The following MCM5 variants were observed in gnomAD, a reference collection of about 807,000 sequenced individuals.
MCM5 encodes the protein minichromosome maintenance complex component 5.
A neutral mutation model predicts 79.9 loss-of-function variants in MCM5; 46 were observed. The observed-to-expected ratio is 0.58, with a 90% CI of 0.45 to 0.74. The LOEUF (loss-of-function observed/expected upper bound fraction) is 0.74. Ranked by LOEUF, MCM5 falls within the 30% of genes least tolerant of loss-of-function variation. The pLI, the probability that MCM5 is intolerant of heterozygous loss-of-function variation, is 0.00. For synonymous variants in MCM5, 404 were observed against 390.5 expected, an observed-to-expected ratio of 1.03 and a Z score of -0.41; for missense variants, 883 against 1,017.0, an observed-to-expected ratio of 0.87 and a Z score of 1.79.
intron 6 of MCM5, chr22:35,410,466 GAGTT>G (rs1332541137): frequency 2.4e-6 from 1 of 412,172 alleles, no homozygotes; most frequent in East Asian, 5.5e-5. Context: ...GCGTACAAAT[GAGTT>G]AGCGAGTTCA....
chr22:35,430,732 GA>G, the MCM5 span, among the ~76,000 whole-genome samples: 1 of 151,394 alleles, frequency 6.6e-6, no homozygotes, highest in South Asian at 2.1e-4. Flanking sequence ...GTCTGGTCTG[GA>G]ACTCCTGACC....
intron 2 of MCM5, 26 bp from the exon 3 acceptor site, chr22:35,403,181 C>CCCACCCTG: frequency 6.2e-7 from 1 of 1,612,756 alleles, no homozygotes. Context: ...CCCTTCCTGC[C>CCCACCCTG]CCACCCTGCT....
the MCM5 span, among the ~76,000 whole-genome samples, chr22:35,433,483 G>A: frequency 2.6e-5 from 4 of 152,148 alleles, no homozygotes; most frequent in South Asian, 2.1e-4. Flanking sequence ...CAGACCCCTC[G>A]GCTCTTAGTC....
At chr22:35,444,672 C>T in the MCM5 span, among the ~76,000 whole-genome samples, 2 of 152,086 alleles carry the variant, frequency 1.3e-5, no homozygotes, top group African/African-American at 4.8e-5. Flanking sequence ...AGGTAATGGC[C>T]GTGATAATAA....
chr22:35,453,989 C>T, the MCM5 span, among the ~76,000 whole-genome samples: 14 of 151,560 alleles, frequency 9.2e-5, no homozygotes, highest in Non-Finnish European at 1.9e-4. Context: ...CTCTCCTCTT[C>T]CCTCCTCAGC....
rs1247364433 is a variant in MCM5, at chr22:35,412,555, TC to T, written c.967del (p.Arg323ValfsTer27). On this transcript the variant is annotated frameshift_variant, in exon 8 of 17. Coordinates refer to ENST00000216122, the MANE Select transcript of MCM5 (RefSeq NM_006739.4). LOFTEE classifies it high-confidence loss of function. ...GTGAGCCCCCAGGAGGAGGAGGAGT[TC>T]CGTCGCCTGGCTGCCCTCCCAAATG... ...GAVSPQEEEE[F>X]RRLAALPNVY... 1 of 1,580,886 alleles carries T rather than the reference TC, an allele frequency of 6.3e-7. No individual in the cohort carries two copies. Among genetic ancestry groups the T allele is most frequent in the African/African-American group, 1.4e-5 (1 of 73,556 alleles).
In MCM5 at chr22:35,413,872, C is replaced by G. The variant is rs777851126; in HGVS notation, c.1092-3C>G. ...CCTTGTCCATCTACCCTTCGTCCCC[C>G]AGGCTCCCTGATGGACTTACTCGCC... On this transcript the variant is annotated splice_region_variant and splice_polypyrimidine_tract_variant and intron_variant, in intron 8 of 16. Coordinates refer to ENST00000216122, the MANE Select transcript of MCM5 (RefSeq NM_006739.4). 1 of 1,582,960 alleles carries G rather than the reference C, an allele frequency of 6.3e-7. No homozygotes were observed. Among genetic ancestry groups the G allele is most frequent in the Non-Finnish European group, 8.7e-7 (1 of 1,151,696 alleles).
rs539065786 is a variant in MCM5 at position 35,421,989 on chromosome 22, C to T, written c.1975+529C>T. On this transcript the variant is annotated intron_variant, in intron 15 of 16. Coordinates refer to ENST00000216122, the MANE Select transcript of MCM5 (RefSeq NM_006739.4). ...CACCATAAGCCATACTGTCTGGTTT[C>T]GGTCAGCCTTTCAACAGACTGTCCC... 24 of 206,408 alleles carry T rather than the reference C, an allele frequency of 1.2e-4. No homozygotes were observed. The South Asian group carries it at 2.0e-3, about 17-fold the overall frequency. The allele number at this position is 206,408 out of a possible 1,614,324, so 12.8% of individuals were successfully genotyped here. A position where few individuals can be genotyped will look rare whatever the true frequency, so the allele number is the denominator to read the frequency against.
At chr22:35,401,643 C>T in intron 2 of MCM5, 2 of 471,174 alleles carry the variant, frequency 4.2e-6, no homozygotes, top group South Asian at 1.5e-5. Flanking sequence ...TAAAGCCATT[C>T]CTGCTTTCAC....
chr22:35,406,654 C>T lies in MCM5; in HGVS notation c.525C>T (p.Cys175=), dbSNP rs772211536. Residue 175 remains cysteine (C), a synonymous_variant, in exon 5 of 17, where the codon TGC becomes TGT. Transcript: ENST00000216122. The stretch of plus-strand genomic sequence containing the variant: ...GCATCTCTATCCAGTGCCGCAGCTG[C>T]CGCAACACCCTCACCAACATTGCCA... ...ATRISIQCRS[C]RNTLTNIAMR... 3.1e-6 allele frequency: 5 copies of T among 1,612,448 alleles called. No individual in the cohort carries two copies. Among genetic ancestry groups the T allele is most frequent in the Admixed American group, 3.3e-5 (2 of 60,020 alleles).
At chr22:35,451,665 T>C in the MCM5 span, among the ~76,000 whole-genome samples, 1 of 152,264 alleles carries the variant, frequency 6.6e-6, no homozygotes, top group Admixed American at 6.5e-5. Flanking sequence ...CCTGTCTTTG[T>C]TAACTCGTCT....
chr22:35,453,819 T>TATATATAG, the MCM5 span, among the ~76,000 whole-genome samples: 1,349 of 81,382 alleles, frequency 0.017, 14 homozygotes, highest in African/African-American at 0.039. Flanking sequence ...TATATATATA[T>TATATATAG]AGAGAGAGAG....
chr22:35,423,063 G>A, intron 15 of MCM5, 151 bp from the exon 16 acceptor site: 1 of 726,668 alleles, frequency 1.4e-6, no homozygotes, highest in Non-Finnish European at 2.2e-6. Context: ...TCCTCAATCA[G>A]GCCTGCACCA....
chr22:35,454,443 G>A, the MCM5 span, among the ~76,000 whole-genome samples: 1 of 152,128 alleles, frequency 6.6e-6, no homozygotes, highest in Admixed American at 6.5e-5. Context: ...GGCAGTAGGA[G>A]CTTTCCAGGG....
At chr22:35,435,357 G>A in the MCM5 span, among the ~76,000 whole-genome samples, 3 of 152,156 alleles carry the variant, frequency 2.0e-5, no homozygotes, top group Admixed American at 1.3e-4. Context: ...TCAGGGCCGC[G>A]GTGGGGCCTC....
chr22:35,429,031 G>T (rs1932796276), downstream of MCM5, among the ~76,000 whole-genome samples: 2 of 135,072 alleles, frequency 1.5e-5, no homozygotes. Context: ...CTGTTCCCAG[G>T]CTGGAGTGTA....
chr22:35,441,571 A>G, the MCM5 span, among the ~76,000 whole-genome samples: 1 of 152,166 alleles, frequency 6.6e-6, no homozygotes, highest in Non-Finnish European at 1.5e-5. Context: ...CATATTGGGA[A>G]GTGGAGTGAG....
At chr22:35,407,333 T>G (rs1932248157) in intron 5 of MCM5, among the ~76,000 whole-genome samples, 1 of 152,164 alleles carries the variant, frequency 6.6e-6, no homozygotes, top group African/African-American at 2.4e-5. Flanking sequence ...CATCTCTCAC[T>G]TGGAGAGGCA....
intron 11 of MCM5, 31 bp downstream of exon 11, chr22:35,416,435 G>C (rs568507686): frequency 5.0e-6 from 8 of 1,607,778 alleles, no homozygotes; most frequent in Non-Finnish European, 6.8e-6. Flanking sequence ...AGCCCAGCCT[G>C]CAGCAGCCCA....
Sources: gnomAD v4.1 joint callset for allele counts (sites outside exome capture counted in the v4.1 genomes callset) on GRCh38, gnomAD v4.1.1 for gene constraint, MANE v1.5 for transcripts, NCBI Gene and HGNC (gene_info 2026-07-23, HGNC 2026-07-21) for gene names.